The following CNTN5 variants were observed in gnomAD, a reference collection of about 807,000 sequenced individuals.
The protein encoded by CNTN5 is contactin-5.
Under a neutral mutation model 129.1 loss-of-function variants are expected in CNTN5, and 77 were observed. The ratio of observed to expected loss-of-function variants is 0.60; its 90% CI spans 0.50 to 0.72. The LOEUF (loss-of-function observed/expected upper bound fraction) is 0.72. CNTN5 is among the 30% of genes least tolerant of loss of function. The pLI is 0.00. For missense variants in CNTN5, 1,478 were observed against 1,328.8 expected, an observed-to-expected ratio of 1.11 and a Z score of -1.75; for synonymous variants, 509 against 465.6, an observed-to-expected ratio of 1.09 and a Z score of -1.20.
chr11:100,152,920 C>G (rs1455305676), intron 13 of CNTN5, among the ~76,000 whole-genome samples: 1 of 151,994 alleles, frequency 6.6e-6, no homozygotes, highest in African/African-American at 2.4e-5. Flanking sequence ...TCTGCCTCCT[C>G]AGGGCATGCC....
chr11:99,712,079 C>A (rs143439306), intron 3 of CNTN5, among the ~76,000 whole-genome samples: 1 of 152,124 alleles, frequency 6.6e-6, no homozygotes, highest in Non-Finnish European at 1.5e-5. Context: ...AATGGTTGAA[C>A]TAATTTACAC....
chr11:99,955,762 C>CT (rs1297545773), intron 7 of CNTN5, among the ~76,000 whole-genome samples: 1 of 151,886 alleles, frequency 6.6e-6, no homozygotes, highest in Non-Finnish European at 1.5e-5. Context: ...GACGGGGTTT[C>CT]ACCATGTTAG....
chr11:100,037,841 A>C (rs1259900990), intron 9 of CNTN5, among the ~76,000 whole-genome samples: 1 of 151,686 alleles, frequency 6.6e-6, no homozygotes, highest in African/African-American at 2.4e-5. Flanking sequence ...TTATTGCATC[A>C]ATTTGATTCT....
chr11:99,790,950 T>A (rs1565536418), intron 3 of CNTN5, among the ~76,000 whole-genome samples: 1 of 152,186 alleles, frequency 6.6e-6, no homozygotes, highest in Non-Finnish European at 1.5e-5. Flanking sequence ...GCCACATATA[T>A]GTCTTCTTTT....
At chr11:99,800,893 CT>C (rs1183019678) in intron 3 of CNTN5, among the ~76,000 whole-genome samples, 1 of 151,994 alleles carries the variant, frequency 6.6e-6, no homozygotes, top group Non-Finnish European at 1.5e-5. Context: ...CACTCTGTTC[CT>C]TTTAAGTACA....
chr11:99,643,278 C>T (rs533078717), intron 3 of CNTN5, among the ~76,000 whole-genome samples: 2 of 151,912 alleles, frequency 1.3e-5, no homozygotes, highest in African/African-American at 4.8e-5. Flanking sequence ...TAGGTGTATA[C>T]GAATATTTGA....
At chr11:99,815,135 G>C (rs1256151956) in intron 3 of CNTN5, among the ~76,000 whole-genome samples, 4 of 151,790 alleles carry the variant, frequency 2.6e-5, no homozygotes, top group African/African-American at 9.7e-5. Flanking sequence ...TGGGATTTGG[G>C]TGGGGACACA....
At chr11:100,224,854 A>C (rs1252115873) in intron 16 of CNTN5, 42 bp downstream of exon 16, 1 of 1,602,974 alleles carries the variant, frequency 6.2e-7, no homozygotes, top group Non-Finnish European at 8.5e-7. Flanking sequence ...TGATCACCAT[A>C]AATTATCATA....
chr11:99,195,312 C>G (rs1858845616), intron 1 of CNTN5, among the ~76,000 whole-genome samples: 1 of 152,110 alleles, frequency 6.6e-6, no homozygotes, highest in Admixed American at 6.6e-5. Flanking sequence ...AAACAACTAA[C>G]TTTGTACTAA....
intron 1 of CNTN5, among the ~76,000 whole-genome samples, chr11:99,229,226 C>T (rs1860852078): frequency 6.6e-6 from 1 of 151,666 alleles, no homozygotes; most frequent in African/African-American, 2.4e-5. Flanking sequence ...ATTTTTTATC[C>T]ACATACTGTA....
intron 1 of CNTN5, among the ~76,000 whole-genome samples, chr11:99,270,834 T>A (rs1863135940): frequency 6.6e-6 from 1 of 151,976 alleles, no homozygotes; most frequent in South Asian, 2.1e-4. Flanking sequence ...ACATAATAAT[T>A]ACATCTGTGA....
At chr11:100,195,199 A>G (rs760523078) in intron 15 of CNTN5, among the ~76,000 whole-genome samples, 55 of 152,010 alleles carry the variant, frequency 3.6e-4, no homozygotes, top group Non-Finnish European at 7.1e-4. Flanking sequence ...TGAGAAAAAT[A>G]TCTTCTTAGG....
At chr11:100,009,973 T>G (rs1940427734) in intron 9 of CNTN5, among the ~76,000 whole-genome samples, 1 of 152,092 alleles carries the variant, frequency 6.6e-6, no homozygotes. Flanking sequence ...AGTGTTGACT[T>G]TTCTTGCTCA....
At chr11:99,947,294 T>A (rs1052639426) in intron 7 of CNTN5, among the ~76,000 whole-genome samples, 4 of 151,456 alleles carry the variant, frequency 2.6e-5, no homozygotes, top group Non-Finnish European at 5.9e-5. Context: ...AATTTAAGAT[T>A]TATTACAGTG....
chr11:99,938,233 C>A (rs1040051276), intron 7 of CNTN5, among the ~76,000 whole-genome samples: 2 of 151,956 alleles, frequency 1.3e-5, no homozygotes, highest in African/African-American at 4.8e-5. Flanking sequence ...TAATTACATT[C>A]TAGGATTCTA....
At position 99,801,374 on chromosome 11, in the gene CNTN5, G is replaced by A. The variant is rs139136115; in HGVS notation, c.56-18170G>A. ...TAGCTGCCTTTAATTTTTTTCCTTAGCATTGACTTTGGACAGTGTGATTAC... is the reference window on the plus strand; with the variant it reads ...TAGCTGCCTTTAATTTTTTTCCTTAACATTGACTTTGGACAGTGTGATTAC... On this transcript the variant is annotated intron_variant, in intron 3 of 24. Coordinates refer to ENST00000524871, the MANE Select transcript of CNTN5 (RefSeq NM_014361.4). Among the ~76,000 whole-genome samples the A allele has an allele frequency of 6.9e-3, 1,043 of 152,038 alleles. 18 individuals carry two copies. Among genetic ancestry groups the A allele is most frequent in the African/African-American group, 0.024 (1,005 of 41,480 alleles).
At chr11:99,417,171 G>T (rs776887938) in intron 2 of CNTN5, among the ~76,000 whole-genome samples, 3 of 152,030 alleles carry the variant, frequency 2.0e-5, no homozygotes, top group Non-Finnish European at 1.5e-5. Context: ...TTGTCAAATA[G>T]CAGCGTGAAT....
intron 2 of CNTN5, among the ~76,000 whole-genome samples, chr11:99,333,057 A>C (rs1045997627): frequency 2.6e-5 from 4 of 152,006 alleles, no homozygotes; most frequent in Non-Finnish European, 5.9e-5. Flanking sequence ...TGTCCAAAAA[A>C]CTTCCCGGGT....
At chr11:99,828,044 T>G (rs1947022704) in intron 4 of CNTN5, among the ~76,000 whole-genome samples, 1 of 152,208 alleles carries the variant, frequency 6.6e-6, no homozygotes, top group Non-Finnish European at 1.5e-5. Flanking sequence ...TCTAAAGTTT[T>G]GAAAGTATTT....
Sources: allele counts gnomAD v4.1 joint callset (sites outside exome capture counted in the v4.1 genomes callset), GRCh38; gene constraint gnomAD v4.1.1; transcripts MANE v1.5; gene names NCBI Gene and HGNC (gene_info 2026-07-23, HGNC 2026-07-21).